The following TTLL6 variants were observed in gnomAD, a reference collection of about 807,000 sequenced individuals.
The protein encoded by TTLL6 is tubulin tyrosine ligase like 6.
A neutral mutation model predicts 96.4 loss-of-function variants in TTLL6; 75 were observed. The observed-to-expected ratio is 0.78, with a 90% CI of 0.65 to 0.94. The LOEUF (loss-of-function observed/expected upper bound fraction) is 0.94, where lower values mean the gene tolerates loss of function less well. Among genes scored for constraint, TTLL6 ranks in the 40% least tolerant of loss-of-function variants. The pLI is 0.00. For synonymous variants in TTLL6, 411 were observed against 419.4 expected (o/e 0.98, Z 0.24); for missense variants, 1,030 against 1,093.0 (o/e 0.94, Z 0.81).
At chr17:48,814,721 G>A (rs1008896960) in intron 1 of TTLL6, among the ~76,000 whole-genome samples, 2 of 152,216 alleles carry the variant, frequency 1.3e-5, no homozygotes, top group Non-Finnish European at 2.9e-5. Flanking sequence ...GACTATACCT[G>A]TTGACTACTC....
rs1405855951 is a variant in TTLL6, at chr17:48,783,832, A to G, written c.2040+1091T>C. 4.6e-5 allele frequency among the ~76,000 whole-genome samples: 7 copies of G among 152,174 alleles called. No homozygotes were observed. In the South Asian group the frequency reaches 1.5e-3, roughly 32 times the overall value. Reference sequence around the variant, plus strand: ...ATTTTATGTCTGCTTTTATGCTTGTATATATTCATAAAAATAATTTAAGTC... The same window carrying G: ...ATTTTATGTCTGCTTTTATGCTTGTGTATATTCATAAAAATAATTTAAGTC... On this transcript the variant is annotated intron_variant, in intron 13 of 15. Transcript: ENST00000393382.
Position 48,769,074 on chromosome 17 carries a change from C to T in TTLL6, c.2591G>A (p.Ser864Asn). ...CTGCATACATGGGTCCCTCATAGCA[C>T]TTGCGTGGCTTCTACAAGGCCTTGG... is the stretch of plus-strand genomic sequence containing the variant. ...LDPRPCRSHA[S>N]AMRDPCMQDQ... Residue 864 changes from serine to asparagine, a missense_variant, in exon 15 of 16, where the codon AGT becomes AAT. Ser to Asn is a conservative substitution (Grantham distance 46, BLOSUM62 1). Transcript: ENST00000393382. 6.2e-7 allele frequency: 1 copy of T among 1,614,206 alleles called. No individual in the cohort carries two copies. Among genetic ancestry groups the T allele is most frequent in the Non-Finnish European group, 8.5e-7 (1 of 1,180,026 alleles).
At chr17:48,788,770 CA>C (rs1809692212) in intron 10 of TTLL6, among the ~76,000 whole-genome samples, 1 of 152,144 alleles carries the variant, frequency 6.6e-6, no homozygotes, top group Non-Finnish European at 1.5e-5. Context: ...CAAGGCCACA[CA>C]GCACTCCACC....
chr17:48,790,580 G>A (rs2039199106), intron 9 of TTLL6, among the ~76,000 whole-genome samples: 1 of 152,196 alleles, frequency 6.6e-6, no homozygotes, highest in Non-Finnish European at 1.5e-5. Flanking sequence ...GAGGCACCAT[G>A]TGACATTTGC....
chr17:48,797,522 C>G (rs960348856), intron 6 of TTLL6, among the ~76,000 whole-genome samples: 1 of 152,170 alleles, frequency 6.6e-6, no homozygotes, highest in African/African-American at 2.4e-5. Flanking sequence ...CGTGGTGGCT[C>G]ATGCCTGTAA....
chr17:48,803,317 A>G (rs574679306), intron 3 of TTLL6, among the ~76,000 whole-genome samples: 17 of 152,140 alleles, frequency 1.1e-4, no homozygotes, highest in African/African-American at 2.9e-4. Flanking sequence ...CAATGCTGCG[A>G]AACCCCATCT....
chr17:48,802,220 G>C (rs1468748122), intron 3 of TTLL6, among the ~76,000 whole-genome samples: 2 of 152,126 alleles, frequency 1.3e-5, no homozygotes, highest in African/African-American at 4.8e-5. Context: ...CCCCGTAGAA[G>C]GTTATCTGAG....
At chr17:48,805,018 G>C in intron 1 of TTLL6, 27 bp from the exon 2 acceptor site, 4 of 1,527,620 alleles carry the variant, frequency 2.6e-6, no homozygotes, top group Non-Finnish European at 3.6e-6. Context: ...GGGAGCCGCA[G>C]TTACAGAGAT....
intron 5 of TTLL6, 75 bp downstream of exon 5, chr17:48,801,180 C>A: frequency 2.1e-6 from 3 of 1,401,396 alleles, no homozygotes; most frequent in South Asian, 1.3e-5. Flanking sequence ...AAGTGGCAAC[C>A]AGGGAATCGG....
At chr17:48,777,274 A>G (rs2038892809) in intron 13 of TTLL6, among the ~76,000 whole-genome samples, 1 of 152,220 alleles carries the variant, frequency 6.6e-6, no homozygotes, top group Non-Finnish European at 1.5e-5. Context: ...CTGAAACACA[A>G]AGCTAAAGTT....
chr17:48,790,061 C>A lies in TTLL6; in HGVS notation c.1270G>T (p.Glu424Ter), dbSNP rs1297961496. Residue 424 changes from glutamate to a stop codon, truncating the protein, a stop_gained, in exon 10 of 16, where the codon GAG becomes TAG. Transcript: ENST00000393382. LOFTEE classifies it high-confidence loss of function. ...SFSTDSRLDK[E>*]VKDGLLYDTL... ...TCATACAGCAGACCATCTTTCACCT[C>A]TTTATCCAACCGAGAGTCGGTGGAG... 1 of 1,614,046 alleles carries A rather than the reference C, an allele frequency of 6.2e-7. No homozygotes were observed. Among genetic ancestry groups the A allele is most frequent in the African/African-American group, 1.3e-5 (1 of 74,934 alleles).
chr17:48,814,520 T>C (rs73989209), intron 1 of TTLL6, among the ~76,000 whole-genome samples: 4,210 of 152,120 alleles, frequency 0.028, 165 homozygotes, highest in South Asian at 0.097. Flanking sequence ...CATTTTAGTA[T>C]AGGGTTTGAT....
chr17:48,802,581 C>T (rs1228980599), intron 3 of TTLL6, among the ~76,000 whole-genome samples: 1 of 152,200 alleles, frequency 6.6e-6, no homozygotes, highest in African/African-American at 2.4e-5. Context: ...ATTTAAAATA[C>T]AGCAACAGGC....
chr17:48,773,710 A>G (rs1303314899), intron 13 of TTLL6, among the ~76,000 whole-genome samples: 2 of 152,144 alleles, frequency 1.3e-5, no homozygotes, highest in African/African-American at 4.8e-5. Flanking sequence ...CAACAGAGTG[A>G]GAGCCTGTTT....
intron 15 of TTLL6, 46 bp downstream of exon 15, chr17:48,768,942 CA>C (rs1243767835): frequency 3.8e-6 from 6 of 1,587,298 alleles, no homozygotes; most frequent in Middle Eastern, 1.7e-4. Flanking sequence ...AAACACAGAG[CA>C]CCTGCCAACG....
At chr17:48,788,033 G>A (rs1369360753) in intron 10 of TTLL6, 34 bp from the exon 11 acceptor site, 2 of 1,599,098 alleles carry the variant, frequency 1.3e-6, no homozygotes, top group Admixed American at 3.4e-5. Flanking sequence ...CTGCTGTCAG[G>A]TTTTCTTGGG....
chr17:48,801,826 C>T, intron 3 of TTLL6, among the ~76,000 whole-genome samples, 183 bp from the exon 4 acceptor site: 1 of 151,982 alleles, frequency 6.6e-6, no homozygotes, highest in Non-Finnish European at 1.5e-5. Flanking sequence ...CACTGCATCA[C>T]TTGAGTCCAG....
At position 48,816,955 on chromosome 17, in the gene TTLL6, T is replaced by G. The variant is rs2039675968; in HGVS notation, c.103+15A>C. On this transcript the variant is annotated intron_variant, in intron 1 of 15. Transcript: ENST00000393382. ...TGCGGTCTGGAGCCAGCACCGGGCT[T>G]TGGGGCGCTCTTACCCGCAATTCCT... 2 of 1,520,642 alleles carry G rather than the reference T, an allele frequency of 1.3e-6. No homozygotes were observed. The highest frequency in any genetic ancestry group is 2.8e-5 in the African/African-American group (2 of 71,738). The allele number at this position is 1,520,642 out of a possible 1,614,324, so 94.2% of individuals were successfully genotyped here.
rs185442622 is a variant in TTLL6, at chr17:48,788,481, C to A, written c.1401-482G>T. 2.0e-3 allele frequency among the ~76,000 whole-genome samples: 303 copies of A among 152,284 alleles called. 1 individual carries two copies. Among genetic ancestry groups the A allele is most frequent in the African/African-American group, 7.1e-3 (293 of 41,546 alleles). ...GGGTCAGACAGGGAGAAATGATAAGCCCCCTTTTACAGCAGGGAAACCCAG... is the reference window on the plus strand; with the variant it reads ...GGGTCAGACAGGGAGAAATGATAAGACCCCTTTTACAGCAGGGAAACCCAG... On this transcript the variant is annotated intron_variant, in intron 10 of 15. Transcript: ENST00000393382.
Sources: allele counts gnomAD v4.1 joint callset (sites outside exome capture counted in the v4.1 genomes callset), GRCh38; gene constraint gnomAD v4.1.1; transcripts MANE v1.5; gene names NCBI Gene and HGNC (gene_info 2026-07-23, HGNC 2026-07-21).